The following KCNQ1 variants were observed in gnomAD, a reference collection of about 807,000 sequenced individuals.
The protein encoded by KCNQ1 is potassium voltage-gated channel subfamily KQT member 1.
Under a neutral mutation model 72.4 loss-of-function variants are expected in KCNQ1, and 49 were observed. The observed-to-expected ratio is 0.68, with a 90% confidence interval of 0.54 to 0.86. The LOEUF is 0.86. KCNQ1 is among the 40% of genes least tolerant of loss of function. The pLI, the probability that KCNQ1 is intolerant of heterozygous loss-of-function variation, is 0.00. For missense variants in KCNQ1, 790 were observed against 945.1 expected (o/e 0.84, Z 2.15); for synonymous variants, 450 against 412.6 (o/e 1.09, Z -1.10).
In KCNQ1 at chr11:2,617,728, C is replaced by T. The variant is rs895113884; in HGVS notation, c.1393+28874C>T. 5.0e-6 allele frequency: 2 copies of T among 398,352 alleles called. No individual in the cohort carries two copies. The highest frequency in any genetic ancestry group is 4.4e-6 in the Non-Finnish European group (1 of 225,978). 24.7% of individuals were successfully genotyped at this position (398,352 alleles called of 1,614,324 possible). On this transcript the variant is annotated intron_variant, in intron 10 of 15. Transcript: ENST00000155840. This position sits in a 1 kb window ranked among gnomAD's most constrained non-coding sequence, Gnocchi z 4.6. ...CTAGCCAACACTTAATAGCTATTCT[C>T]ATGAGTGTGAGGTGATATCGCATAG...
rs550945335 is a variant in KCNQ1 at position 2,781,435 on chromosome 11, G to A, written c.1794+3398G>A. The stretch of plus-strand genomic sequence containing the variant: ...GGCCAGGGGCAGGCTGGGGGCACCA[G>A]CAGCAGGGCCCAGGGCCTTCAGTGT... On this transcript the variant is annotated intron_variant, in intron 15 of 15. Coordinates refer to ENST00000155840, the MANE Select transcript of KCNQ1 (RefSeq NM_000218.3). This position sits in a 1 kb window ranked among gnomAD's most constrained non-coding sequence, Gnocchi z 6.6. Among the ~76,000 whole-genome samples, 64 of 152,326 alleles carry A rather than the reference G, an allele frequency of 4.2e-4. No individual in the cohort carries two copies. Among genetic ancestry groups the A allele is most frequent in the South Asian group, 1.4e-3 (7 of 4,832 alleles).
chr11:2,779,347 C>G (rs1454218513), intron 15 of KCNQ1, among the ~76,000 whole-genome samples: 1 of 152,178 alleles, frequency 6.6e-6, no homozygotes, highest in African/African-American at 2.4e-5. Flanking sequence ...ACACCCAGTA[C>G]AGCAGGGCCG....
At chr11:2,807,510 T>C (rs1847404337) in intron 15 of KCNQ1, among the ~76,000 whole-genome samples, 1 of 152,214 alleles carries the variant, frequency 6.6e-6, no homozygotes. Context: ...ACAGTCCTGC[T>C]GAAAAATATG....
intron 11 of KCNQ1, among the ~76,000 whole-genome samples, chr11:2,755,010 G>A (rs7948952): frequency 0.088 from 13,396 of 152,108 alleles, 706 homozygotes; most frequent in Middle Eastern, 0.13. Context: ...CACTTCTGTC[G>A]GTCAGAGGTC....
intron 11 of KCNQ1, among the ~76,000 whole-genome samples, chr11:2,718,769 C>G (rs2133926816): frequency 6.6e-6 from 1 of 152,334 alleles, no homozygotes; most frequent in Non-Finnish European, 1.5e-5. Context: ...AAGCCCTGGA[C>G]CCTGCTGTGC....
chr11:2,541,271 T>C lies in KCNQ1; in HGVS notation c.477+13253T>C, dbSNP rs9299929. Among the ~76,000 whole-genome samples the C allele has an allele frequency of 0.54, 82,662 of 152,118 alleles. 24,249 individuals carry two copies. The highest frequency in any genetic ancestry group is 0.77 in the African/African-American group (31,924 of 41,518). ...AGGCCAGCCCCTTTTCCTGGCGGGG[T>C]GATGATCTGGTCAGTTTCCGAGCAC... On this transcript the variant is annotated intron_variant, in intron 2 of 15. Transcript: ENST00000155840. This position sits in a 1 kb window ranked among gnomAD's most constrained non-coding sequence, Gnocchi z 4.8.
Position 2,450,145 on chromosome 11 carries a change from G to C in KCNQ1, c.386+4661G>C, listed in dbSNP as rs910527513. Among the ~76,000 whole-genome samples the C allele has an allele frequency of 1.3e-5, 2 of 152,198 alleles. No homozygotes were observed. The highest frequency in any genetic ancestry group is 6.5e-5 in the Admixed American group (1 of 15,288). ...CCCTGACATTCCAAACTGGCTTTTG[G>C]CCCCTGCGATATCTTGCTGTGATTC... is the stretch of plus-strand genomic sequence containing the variant. On this transcript the variant is annotated intron_variant, in intron 1 of 15. Coordinates refer to ENST00000155840, the MANE Select transcript of KCNQ1 (RefSeq NM_000218.3). This position sits in a 1 kb window ranked among gnomAD's most constrained non-coding sequence, Gnocchi z 7.9.
chr11:2,500,290 G>A (rs562937894), intron 1 of KCNQ1, among the ~76,000 whole-genome samples: 1 of 152,278 alleles, frequency 6.6e-6, no homozygotes, highest in Admixed American at 6.5e-5. Context: ...ATCATCACTG[G>A]TCATTAGAGA....
rs1298167356 is a variant in KCNQ1, at chr11:2,468,624, C to G, written c.386+23140C>G. Among the ~76,000 whole-genome samples, 2 of 152,132 alleles carry G rather than the reference C, an allele frequency of 1.3e-5. No individual in the cohort carries two copies. Among genetic ancestry groups the G allele is most frequent in the African/African-American group, 4.8e-5 (2 of 41,402 alleles). ...AGGCCACTGCTGCCCTACCATCAGGCACGATGGATGGGCTTGTGCCTTGTG... is the reference window on the plus strand; with the variant it reads ...AGGCCACTGCTGCCCTACCATCAGGGACGATGGATGGGCTTGTGCCTTGTG... On this transcript the variant is annotated intron_variant, in intron 1 of 15. Transcript: ENST00000155840. This position sits in a 1 kb window ranked among gnomAD's most constrained non-coding sequence, Gnocchi z 5.7.
chr11:2,524,705 C>T (rs1486451146), intron 1 of KCNQ1, among the ~76,000 whole-genome samples: 1 of 152,172 alleles, frequency 6.6e-6, no homozygotes, highest in African/African-American at 2.4e-5. Flanking sequence ...AGGGTGAAGT[C>T]GACGCTCGCT....
In KCNQ1 at chr11:2,477,808, G is replaced by C. The variant is rs909146769; in HGVS notation, c.386+32324G>C. ...TAATGGATTATAATTCATGAAAAAA[G>C]AATCTATGCATCCACAGGGACACAC... On this transcript the variant is annotated intron_variant, in intron 1 of 15. Transcript: ENST00000155840. This position sits in a 1 kb window ranked among gnomAD's most constrained non-coding sequence, Gnocchi z 5.0. Among the ~76,000 whole-genome samples, 1 of 150,208 alleles carries C rather than the reference G, an allele frequency of 6.7e-6. No homozygotes were observed. The highest frequency in any genetic ancestry group is 1.5e-5 in the Non-Finnish European group (1 of 67,686).
At chr11:2,582,306 G>A (rs1848512570) in intron 6 of KCNQ1, among the ~76,000 whole-genome samples, 1 of 152,216 alleles carries the variant, frequency 6.6e-6, no homozygotes, top group Non-Finnish European at 1.5e-5. Flanking sequence ...TCAGTGGCTG[G>A]TGGAAACCAC....
Position 2,462,165 on chromosome 11 carries a change from G to C in KCNQ1, c.386+16681G>C, listed in dbSNP as rs1232329682. Among the ~76,000 whole-genome samples, 1 of 152,208 alleles carries C rather than the reference G, an allele frequency of 6.6e-6. No individual in the cohort carries two copies. The highest frequency in any genetic ancestry group is 1.5e-5 in the Non-Finnish European group (1 of 68,036). On this transcript the variant is annotated intron_variant, in intron 1 of 15. Transcript: ENST00000155840. This position sits in a 1 kb window ranked among gnomAD's most constrained non-coding sequence, Gnocchi z 8.2. ...TCTCATGGAGAGCCCCAAGGAGCCA[G>C]GGAGGAGCCTTCTGGTGGTTTGGGT... is the stretch of plus-strand genomic sequence containing the variant.
intron 10 of KCNQ1, among the ~76,000 whole-genome samples, chr11:2,604,341 G>A (rs1848849191): frequency 6.6e-6 from 1 of 151,512 alleles, no homozygotes; most frequent in Admixed American, 6.6e-5. Flanking sequence ...AGCTGGGCAT[G>A]GTGGCAGGTG....
chr11:2,478,946 G>T lies in KCNQ1; in HGVS notation c.386+33462G>T, dbSNP rs949043156. ...ACACCCATTTGAAATGGGAGTAATT[G>T]GCCAAAACGAAGGGGCTAAAGGCCC... On this transcript the variant is annotated intron_variant, in intron 1 of 15. Coordinates refer to ENST00000155840, the MANE Select transcript of KCNQ1 (RefSeq NM_000218.3). The surrounding 1 kb of genome is among the most constrained non-coding windows in gnomAD (Gnocchi z 4.0). 6.6e-6 allele frequency among the ~76,000 whole-genome samples: 1 copy of T among 152,198 alleles called. No homozygotes were observed. Among genetic ancestry groups the T allele is most frequent in the Non-Finnish European group, 1.5e-5 (1 of 68,036 alleles).
intron 11 of KCNQ1, among the ~76,000 whole-genome samples, chr11:2,742,761 C>A (rs568977403): frequency 6.6e-6 from 1 of 152,202 alleles, no homozygotes. Context: ...CAGCCATGCG[C>A]GGGGGCCCGC....
chr11:2,665,990 T>C (rs1850059944), intron 11 of KCNQ1: 2 of 398,664 alleles, frequency 5.0e-6, no homozygotes, highest in Non-Finnish European at 8.8e-6. Flanking sequence ...CAGCCAGGAC[T>C]GGCCTGGAAT....
At chr11:2,520,296 C>T (rs1449374219) in intron 1 of KCNQ1, among the ~76,000 whole-genome samples, 2 of 152,236 alleles carry the variant, frequency 1.3e-5, no homozygotes, top group East Asian at 1.9e-4. Flanking sequence ...TGATGTGACA[C>T]CTTCCACATG....
intron 15 of KCNQ1, among the ~76,000 whole-genome samples, chr11:2,825,278 C>T (rs1394170443): frequency 1.3e-5 from 2 of 152,208 alleles, no homozygotes; most frequent in Non-Finnish European, 2.9e-5. Flanking sequence ...GCAGCCAGGC[C>T]GCCAGGGTGC....
Sources: allele counts gnomAD v4.1 joint callset (sites outside exome capture counted in the v4.1 genomes callset), GRCh38; gene constraint gnomAD v4.1.1; non-coding constraint Gnocchi (gnomAD v3.1); transcripts MANE v1.5; gene names NCBI Gene and HGNC (gene_info 2026-07-23, HGNC 2026-07-21).